OGDH: variants seen among roughly 807,000 people sequenced by gnomAD.
OGDH encodes the protein 2-oxoglutarate dehydrogenase complex component E1.
A neutral mutation model predicts 116.6 loss-of-function variants in OGDH; 38 were observed. The ratio of observed to expected loss-of-function variants is 0.33; its 90% CI spans 0.25 to 0.43. The LOEUF (loss-of-function observed/expected upper bound fraction) is 0.43. Ranked by LOEUF, OGDH falls within the 20% of genes least tolerant of loss-of-function variation. The probability of loss-of-function intolerance (pLI) is 1.00; values close to 1 mark genes in which losing one functional copy is unlikely to be tolerated. For missense variants in OGDH, 825 were observed against 1,357.2 expected, an observed-to-expected ratio of 0.61 and a Z score of 6.16; for synonymous variants, 488 against 533.3, an observed-to-expected ratio of 0.92 and a Z score of 1.17.
rs867154869 is a variant in OGDH, at chr7:44,613,480, C to T, written c.-28+6827C>T. ...GGTTCACGCCATTCTTCTGCTCAGTCTCCCGAGTAGCTGGGACTATAGGCG... is the reference window on the plus strand; with the variant it reads ...GGTTCACGCCATTCTTCTGCTCAGTTTCCCGAGTAGCTGGGACTATAGGCG... On this transcript the variant is annotated intron_variant, in intron 1 of 22. Transcript: ENST00000222673. Among the ~76,000 whole-genome samples, 11 of 152,324 alleles carry T rather than the reference C, an allele frequency of 7.2e-5. No homozygotes were observed. The South Asian group carries it at 2.1e-3, about 29-fold the overall frequency.
chr7:44,615,159 G>T (rs2331138), intron 1 of OGDH, among the ~76,000 whole-genome samples: 47,275 of 152,044 alleles, frequency 0.31, 8,688 homozygotes, highest in Non-Finnish European at 0.41. Context: ...GGTGTAAAGA[G>T]TGATCTTTGA....
At chr7:44,662,389 G>A (rs1385536366) in intron 4 of OGDH, among the ~76,000 whole-genome samples, 1 of 151,546 alleles carries the variant, frequency 6.6e-6, no homozygotes, top group Non-Finnish European at 1.5e-5. Flanking sequence ...TAAGATTCTG[G>A]TTAGACATAA....
intron 4 of OGDH, among the ~76,000 whole-genome samples, chr7:44,655,207 C>T (rs1255398889): frequency 1.3e-5 from 2 of 152,086 alleles, no homozygotes; most frequent in Admixed American, 6.5e-5. Context: ...CTAACATACA[C>T]CTCACTTATG....
intron 2 of OGDH, among the ~76,000 whole-genome samples, chr7:44,624,841 A>G (rs1585235097): frequency 1.3e-5 from 2 of 148,782 alleles, no homozygotes; most frequent in African/African-American, 5.1e-5. Flanking sequence ...CTGCTTCAGG[A>G]TGAAGCCGCT....
At position 44,654,503 on chromosome 7, in the gene OGDH, C is replaced by T. The variant is rs758470997; in HGVS notation, c.517+6744C>T. On this transcript the variant is annotated intron_variant, in intron 4 of 22. Transcript: ENST00000222673. ...AAAAATAAGCTAAAAATAGAGTTGACGTTTAATTAGCTTTTGTAATTTCAG... is the reference window on the plus strand; with the variant it reads ...AAAAATAAGCTAAAAATAGAGTTGATGTTTAATTAGCTTTTGTAATTTCAG... Among the ~76,000 whole-genome samples, 22 of 152,218 alleles carry T rather than the reference C, an allele frequency of 1.4e-4. No individual in the cohort carries two copies. The Middle Eastern group carries it at 0.01, about 71-fold the overall frequency.
At chr7:44,704,245 TA>T (rs1788966702) in intron 20 of OGDH, among the ~76,000 whole-genome samples, 1 of 152,240 alleles carries the variant, frequency 6.6e-6, no homozygotes, top group Non-Finnish European at 1.5e-5. Flanking sequence ...GTAGCCATCT[TA>T]ATGGGTGTGA....
chr7:44,657,124 T>C lies in OGDH; in HGVS notation c.517+9365T>C, dbSNP rs143908338. ...TGTGCCCTTTGGCCAGCTTCCCCAG[T>C]GGTAACATCTTGAAAAGCTATAGTA... On this transcript the variant is annotated intron_variant, in intron 4 of 22. Transcript: ENST00000222673. Among the ~76,000 whole-genome samples, 77 of 152,318 alleles carry C rather than the reference T, an allele frequency of 5.1e-4. 1 individual carries two copies. The highest frequency in any genetic ancestry group is 1.8e-3 in the African/African-American group (75 of 41,572).
At chr7:44,656,443 A>G (rs1241332452) in intron 4 of OGDH, 2 of 1,293,600 alleles carry the variant, frequency 1.5e-6, no homozygotes, top group Non-Finnish European at 2.1e-6. Context: ...CTAGCATGCA[A>G]TATGGGGAAA....
At chr7:44,627,883 G>A (rs1401043181) in intron 2 of OGDH, among the ~76,000 whole-genome samples, 1 of 152,056 alleles carries the variant, frequency 6.6e-6, no homozygotes, top group East Asian at 1.9e-4. Context: ...CACCATGTTG[G>A]CCAGGCTGGT....
At chr7:44,645,638 C>T in intron 3 of OGDH, 120 bp downstream of exon 3, 3 of 911,710 alleles carry the variant, frequency 3.3e-6, no homozygotes, top group Non-Finnish European at 4.8e-6. Context: ...TCCTCAAATA[C>T]TAGGTGCTTT....
At chr7:44,670,760 C>T (rs578165401) in intron 5 of OGDH, among the ~76,000 whole-genome samples, 182 of 152,162 alleles carry the variant, frequency 1.2e-3, no homozygotes, top group Non-Finnish European at 2.0e-3. Flanking sequence ...CCTGTAATCC[C>T]AGCACTTTGG....
In OGDH at chr7:44,670,270, G is replaced by A. The variant is rs147449268; in HGVS notation, c.633+3419G>A. 5.4e-3 allele frequency among the ~76,000 whole-genome samples: 823 copies of A among 152,256 alleles called. 9 individuals are homozygous for A. The highest frequency in any genetic ancestry group is 0.019 in the African/African-American group (784 of 41,528). ...TAAAAGGGAGAGAGGAAAGGCATGG[G>A]CAGAGCCTGGGTAGCACAGTTCTGC... On this transcript the variant is annotated intron_variant, in intron 5 of 22. Coordinates refer to ENST00000222673, the MANE Select transcript of OGDH (RefSeq NM_002541.4).
chr7:44,622,163 G>T (rs1470596975), intron 1 of OGDH, among the ~76,000 whole-genome samples: 1 of 151,692 alleles, frequency 6.6e-6, no homozygotes. Flanking sequence ...CCTTAATAAT[G>T]ACATTAAAGG....
At position 44,673,900 on chromosome 7, in the gene OGDH, G is replaced by A; in HGVS notation, c.747G>A (p.Glu249=). The part of the protein sequence containing the change: ...ETPGIMQFTN[E]EKRTLLARLV... Reference sequence around the variant, plus strand: ...CTGGGATCATGCAGTTCACAAATGAGGAGAAACGGACCCTGCTGGCCAGGC... The same window carrying A: ...CTGGGATCATGCAGTTCACAAATGAAGAGAAACGGACCCTGCTGGCCAGGC... Residue 249 remains glutamate, a synonymous_variant, in exon 6 of 23, where the codon GAG becomes GAA. Coordinates refer to ENST00000222673, the MANE Select transcript of OGDH (RefSeq NM_002541.4). 6.2e-7 allele frequency: 1 copy of A among 1,614,274 alleles called. No individual in the cohort carries two copies. Among genetic ancestry groups the A allele is most frequent in the East Asian group, 2.2e-5 (1 of 44,890 alleles).
chr7:44,621,914 G>A (rs1317483182), intron 1 of OGDH, among the ~76,000 whole-genome samples: 2 of 152,016 alleles, frequency 1.3e-5, no homozygotes, highest in Non-Finnish European at 2.9e-5. Flanking sequence ...CTGCTGGGCA[G>A]CACTTAACTA....
chr7:44,688,874 C>T (rs556174407), intron 10 of OGDH, among the ~76,000 whole-genome samples: 44 of 152,098 alleles, frequency 2.9e-4, no homozygotes, highest in Middle Eastern at 3.4e-3. Flanking sequence ...CTGAACCTCC[C>T]GAGTAGCTGG....
intron 9 of OGDH, among the ~76,000 whole-genome samples, chr7:44,680,241 A>C (rs1334435025): frequency 2.0e-5 from 3 of 152,112 alleles, no homozygotes; most frequent in Admixed American, 2.0e-4. Flanking sequence ...AAAAGAAAGA[A>C]AGAAAATCAT....
Position 44,675,999 on chromosome 7 carries a change from C to A in OGDH, c.1056C>A (p.Gly352=), listed in dbSNP as rs1255392485. The A allele has an allele frequency of 1.9e-6, 3 of 1,614,006 alleles. No homozygotes were observed. Among genetic ancestry groups the A allele is most frequent in the Non-Finnish European group, 2.5e-6 (3 of 1,180,040 alleles). ...CCGGAGATGTGAAGTACCACCTGGG[C>A]ATGTATCACCGCAGGATCAATCGTG... ...EGSGDVKYHL[G]MYHRRINRVT... is the part of the protein sequence containing the mutation. Residue 352 remains glycine (G), a synonymous_variant, in exon 9 of 23, where the codon GGC becomes GGA. Coordinates refer to ENST00000222673, the MANE Select transcript of OGDH (RefSeq NM_002541.4).
chr7:44,687,077 A>ATT (rs1788161768), intron 10 of OGDH, among the ~76,000 whole-genome samples: 3 of 149,688 alleles, frequency 2.0e-5, no homozygotes, highest in African/African-American at 7.4e-5. Flanking sequence ...ATGTTTTTAA[A>ATT]AAAATTTTTT....
Sources: gnomAD v4.1 joint callset for allele counts (sites outside exome capture counted in the v4.1 genomes callset) on GRCh38, gnomAD v4.1.1 for gene constraint, MANE v1.5 for transcripts, NCBI Gene and HGNC (gene_info 2026-07-23, HGNC 2026-07-21) for gene names.